Variants in PLGRKT observed in about 807,000 individuals in gnomAD.
The protein encoded by PLGRKT is plasminogen receptor (KT).
In PLGRKT, 22 loss-of-function variants were observed where a neutral mutation model predicts 18.5. The observed-to-expected ratio is 1.19, with a 90% CI of 0.85 to 1.70. PLGRKT has a LOEUF of 1.70. Among genes scored for constraint, PLGRKT ranks in the 40% most tolerant of loss-of-function variants. The pLI is 0.00. For synonymous variants in PLGRKT, 72 were observed against 52.8 expected, an observed-to-expected ratio of 1.36 and a Z score of -1.58; for missense variants, 235 against 174.4, an observed-to-expected ratio of 1.35 and a Z score of -1.96.
chr9:5,415,252 C>T (rs1019946104), intron 3 of PLGRKT, among the ~76,000 whole-genome samples: 7 of 152,028 alleles, frequency 4.6e-5, no homozygotes, highest in Admixed American at 1.3e-4. Flanking sequence ...CAATCTGGGC[C>T]GCAAAATAAA....
At chr9:5,381,522 A>T (rs1269635620) in intron 3 of PLGRKT, among the ~76,000 whole-genome samples, 3 of 152,242 alleles carry the variant, frequency 2.0e-5, no homozygotes. Context: ...GTTTCAGAGG[A>T]TGTACAGACA....
At chr9:5,370,564 C>A (rs1213229890) in intron 3 of PLGRKT, among the ~76,000 whole-genome samples, 1 of 152,122 alleles carries the variant, frequency 6.6e-6, no homozygotes, top group Non-Finnish European at 1.5e-5. Context: ...ACAGTATATT[C>A]ACATGACAGA....
chr9:5,382,941 C>A (rs1817774544), intron 3 of PLGRKT, among the ~76,000 whole-genome samples: 1 of 152,020 alleles, frequency 6.6e-6, no homozygotes, highest in South Asian at 2.1e-4. Context: ...AAATGGTGGC[C>A]CCTAAAAGGT....
intron 3 of PLGRKT, among the ~76,000 whole-genome samples, chr9:5,394,693 G>C (rs12000658): frequency 0.016 from 2,424 of 152,006 alleles, 115 homozygotes; most frequent in African/African-American, 0.056. Context: ...GATTACAGGC[G>C]TAAGCCACTG....
chr9:5,400,864 T>C (rs1211421526), intron 3 of PLGRKT, among the ~76,000 whole-genome samples: 5 of 151,916 alleles, frequency 3.3e-5, no homozygotes, highest in Non-Finnish European at 5.9e-5. Flanking sequence ...CCATATGATG[T>C]AATTCTAACA....
intron 3 of PLGRKT, among the ~76,000 whole-genome samples, chr9:5,415,872 C>T (rs1030917696): frequency 6.7e-6 from 1 of 149,544 alleles, no homozygotes; most frequent in African/African-American, 2.5e-5. Flanking sequence ...ATTAAGAAGA[C>T]ATCAATTAAA....
chr9:5,361,963 C>T, intron 3 of PLGRKT, 75 bp from the exon 4 acceptor site: 4 of 1,386,652 alleles, frequency 2.9e-6, no homozygotes, highest in Non-Finnish European at 4.0e-6. Context: ...ATCTGTTTTT[C>T]CAGCGGATTC....
intron 3 of PLGRKT, among the ~76,000 whole-genome samples, chr9:5,414,080 A>T (rs1818414240): frequency 6.6e-6 from 1 of 152,206 alleles, no homozygotes; most frequent in South Asian, 2.1e-4. Context: ...ACACCTATAG[A>T]GGAAGGGTGG....
chr9:5,383,033 T>A (rs1817775494), intron 3 of PLGRKT, among the ~76,000 whole-genome samples: 1 of 152,168 alleles, frequency 6.6e-6, no homozygotes. Context: ...GATATTAAGA[T>A]GAGATCACTT....
intron 3 of PLGRKT, among the ~76,000 whole-genome samples, chr9:5,378,170 T>C (rs758113337): frequency 2.0e-5 from 3 of 152,096 alleles, no homozygotes; most frequent in Non-Finnish European, 4.4e-5. Flanking sequence ...TACCAGACAT[T>C]TGAGGGAAAC....
At chr9:5,399,697 A>T (rs1287695916) in intron 3 of PLGRKT, among the ~76,000 whole-genome samples, 1 of 151,886 alleles carries the variant, frequency 6.6e-6, no homozygotes, top group African/African-American at 2.4e-5. Flanking sequence ...ATATGGAATT[A>T]AAATACGCAG....
In PLGRKT at chr9:5,388,391, A is replaced by G. The variant is rs570562265; in HGVS notation, c.82-26503T>C. Among the ~76,000 whole-genome samples, 54 of 152,132 alleles carry G rather than the reference A, an allele frequency of 3.5e-4. 1 individual carries two copies. Among genetic ancestry groups the G allele is most frequent in the African/African-American group, 1.2e-3 (51 of 41,372 alleles). ...GCAAGCTTGTCATTCATTAGTAAAC[A>G]TCTAAAATTCTGCCTGTTACAGAGA... is the stretch of plus-strand genomic sequence containing the variant. On this transcript the variant is annotated intron_variant, in intron 3 of 5. Coordinates refer to ENST00000223864, the MANE Select transcript of PLGRKT (RefSeq NM_018465.4).
intron 3 of PLGRKT, among the ~76,000 whole-genome samples, chr9:5,407,209 T>C (rs759056098): frequency 2.6e-5 from 4 of 152,218 alleles, no homozygotes; most frequent in Non-Finnish European, 4.4e-5. Flanking sequence ...AAAATTCAGA[T>C]GCTAAATGAC....
intron 3 of PLGRKT, among the ~76,000 whole-genome samples, chr9:5,384,737 T>G (rs1209534136): frequency 6.6e-6 from 1 of 151,804 alleles, no homozygotes; most frequent in Non-Finnish European, 1.5e-5. Flanking sequence ...CAGAGCTACC[T>G]CTTAACTAAC....
chr9:5,413,319 G>A (rs10975103), intron 3 of PLGRKT, among the ~76,000 whole-genome samples: 1 of 152,026 alleles, frequency 6.6e-6, no homozygotes, highest in African/African-American at 2.4e-5. Flanking sequence ...CCTGGGGTGG[G>A]CAGAATAATG....
intron 3 of PLGRKT, among the ~76,000 whole-genome samples, chr9:5,397,526 A>C (rs545856650): frequency 1.3e-5 from 2 of 151,860 alleles, no homozygotes; most frequent in African/African-American, 4.9e-5. Flanking sequence ...AGAAGGAAGA[A>C]AAGAGGGCAG....
Position 5,418,352 on chromosome 9 carries a change from T to C in PLGRKT, c.81+13545A>G, listed in dbSNP as rs1459508596. On this transcript the variant is annotated intron_variant, in intron 3 of 5. Coordinates refer to ENST00000223864, the MANE Select transcript of PLGRKT (RefSeq NM_018465.4). The surrounding 1 kb of genome is among the most constrained non-coding windows in gnomAD (Gnocchi z 4.2). ...CCCTAAGTTGGCACCCACAAGAGAC[T>C]TCCCTGCAGCCCTCTCCAGCCACAA... 1.5e-6 allele frequency: 1 copy of C among 689,508 alleles called. No homozygotes were observed. The highest frequency in any genetic ancestry group is 2.6e-6 in the Non-Finnish European group (1 of 383,176). 42.7% of individuals were successfully genotyped at this position (689,508 alleles called of 1,614,324 possible). A position where few individuals can be genotyped will look rare whatever the true frequency, so the allele number is the denominator to read the frequency against.
intron 3 of PLGRKT, among the ~76,000 whole-genome samples, chr9:5,363,986 C>G (rs1188776509): frequency 3.9e-5 from 6 of 152,180 alleles, no homozygotes; most frequent in Non-Finnish European, 8.8e-5. Flanking sequence ...AACTTACATA[C>G]TGATTCATCA....
chr9:5,364,138 G>A (rs1980668), intron 3 of PLGRKT, among the ~76,000 whole-genome samples: 1,588 of 152,286 alleles, frequency 0.01, 35 homozygotes, highest in African/African-American at 0.037. Context: ...CAAAGGTCTA[G>A]TAACCAGATA....
Sources: gnomAD v4.1 joint callset for allele counts (sites outside exome capture counted in the v4.1 genomes callset) on GRCh38, gnomAD v4.1.1 for gene constraint, Gnocchi (gnomAD v3.1) non-coding constraint, MANE v1.5 for transcripts, NCBI Gene and HGNC (gene_info 2026-07-23, HGNC 2026-07-21) for gene names.